Variants in EYS observed in about 807,000 individuals in gnomAD.
EYS encodes the protein protein eyes shut homolog.
Under a neutral mutation model 282.1 loss-of-function variants are expected in EYS, and 250 were observed. The ratio of observed to expected loss-of-function variants is 0.89; its 90% confidence interval spans 0.80 to 0.98. EYS has a LOEUF of 0.98. Among genes scored for constraint, EYS ranks in the 50% least tolerant of loss-of-function variants. The pLI, the probability that EYS is intolerant of heterozygous loss-of-function variation, is 0.00. For synonymous variants in EYS, 1,355 were observed against 1,282.9 expected (o/e 1.06, Z -1.20); for missense variants, 4,016 against 3,709.0 (o/e 1.08, Z -2.15).
At position 64,286,616 on chromosome 6, in the gene EYS, T is replaced by G. The variant is rs185670094; in HGVS notation, c.6191+20354A>C. 7.2e-5 allele frequency among the ~76,000 whole-genome samples: 11 copies of G among 152,294 alleles called. No homozygotes were observed. The East Asian group carries it at 1.9e-3, about 27-fold the overall frequency. ...GTATTATGTATGAATAGGAGTCATT[T>G]GAATTGGAAAATAGAAACTTAAATC... On this transcript the variant is annotated intron_variant, in intron 30 of 42. Coordinates refer to ENST00000503581, the MANE Select transcript of EYS (RefSeq NM_001142800.2).
intron 12 of EYS, among the ~76,000 whole-genome samples, chr6:65,179,734 C>A (rs373353734): frequency 1.1e-4 from 17 of 152,134 alleles, no homozygotes; most frequent in African/African-American, 4.1e-4. Context: ...GATACCAAAG[C>A]CTGGCAGAGA....
intron 36 of EYS, among the ~76,000 whole-genome samples, chr6:63,834,095 G>A (rs1045766068): frequency 2.0e-5 from 3 of 151,986 alleles, no homozygotes; most frequent in African/African-American, 4.8e-5. Context: ...TAGACCTAAA[G>A]CCATAAAAAC....
chr6:64,333,352 C>T (rs1770712146), intron 29 of EYS, among the ~76,000 whole-genome samples: 1 of 152,020 alleles, frequency 6.6e-6, no homozygotes, highest in Admixed American at 6.6e-5. Context: ...CTGCACATCC[C>T]AGTAAACTAA....
intron 5 of EYS, among the ~76,000 whole-genome samples, chr6:65,485,367 C>T (rs1765749781): frequency 6.6e-6 from 1 of 152,192 alleles, no homozygotes; most frequent in South Asian, 2.1e-4. Context: ...CTCTGTGAAG[C>T]ACGTCTTTTC....
intron 12 of EYS, among the ~76,000 whole-genome samples, chr6:65,121,348 A>G (rs1408142317): frequency 6.6e-6 from 1 of 152,172 alleles, no homozygotes; most frequent in Non-Finnish European, 1.5e-5. Flanking sequence ...AATGGGGAAC[A>G]TTTGAGTCTC....
At chr6:64,097,388 C>T (rs559756899) in intron 31 of EYS, among the ~76,000 whole-genome samples, 13 of 152,304 alleles carry the variant, frequency 8.5e-5, no homozygotes, top group South Asian at 8.3e-4. Context: ...CCTTGAGCTG[C>T]GGTGGCCTCC....
At chr6:63,947,316 C>G (rs1035862276) in intron 35 of EYS, among the ~76,000 whole-genome samples, 1 of 151,818 alleles carries the variant, frequency 6.6e-6, no homozygotes, top group Non-Finnish European at 1.5e-5. Flanking sequence ...AGATAATAAG[C>G]AGTTTTTATC....
At chr6:65,671,367 T>G (rs750099412) in intron 1 of EYS, among the ~76,000 whole-genome samples, 1 of 152,122 alleles carries the variant, frequency 6.6e-6, no homozygotes, top group East Asian at 1.9e-4. Flanking sequence ...AATCTTATTT[T>G]GTAAGGTTCT....
At chr6:64,631,586 C>T (rs1029485715) in intron 22 of EYS, 1 of 152,046 alleles carries the variant, frequency 6.6e-6, no homozygotes, top group Non-Finnish European at 1.5e-5. Context: ...TGTTTCTGTT[C>T]GTTAACGATA....
chr6:64,890,628 A>G (rs1583265437), intron 18 of EYS, among the ~76,000 whole-genome samples: 1 of 152,148 alleles, frequency 6.6e-6, no homozygotes, highest in Admixed American at 6.6e-5. Flanking sequence ...TTTAAGATGA[A>G]CTTCTCAAAA....
chr6:65,319,228 CAATT>C (rs1191320052), intron 11 of EYS, among the ~76,000 whole-genome samples: 3 of 58,724 alleles, frequency 5.1e-5, no homozygotes, highest in African/African-American at 2.4e-4. Flanking sequence ...AAAAAAAAAA[CAATT>C]AGCCGGGCAT....
Position 64,702,999 on chromosome 6 carries a change from A to T in EYS, c.3444-76754T>A, listed in dbSNP as rs549535543. Among the ~76,000 whole-genome samples the T allele has an allele frequency of 5.7e-4, 87 of 152,248 alleles. No homozygotes were observed. In the Middle Eastern group the frequency reaches 0.017, roughly 30 times the overall value. On this transcript the variant is annotated intron_variant, in intron 22 of 42. Coordinates refer to ENST00000503581, the MANE Select transcript of EYS (RefSeq NM_001142800.2). ...TTAATGTGACAGACATTGTTAAATA[A>T]CAATGTGATTAAACAATTTTTTTCA...
chr6:64,021,402 C>T (rs1415513196), intron 33 of EYS, among the ~76,000 whole-genome samples: 1 of 151,652 alleles, frequency 6.6e-6, no homozygotes, highest in African/African-American at 2.4e-5. Flanking sequence ...GAGGATGCTA[C>T]TGACATCTAG....
intron 33 of EYS, among the ~76,000 whole-genome samples, chr6:64,019,237 A>AT (rs1769057363): frequency 2.6e-5 from 4 of 152,112 alleles, no homozygotes; most frequent in South Asian, 2.1e-4. Flanking sequence ...GCAGTAATGG[A>AT]TTTTCCCTCA....
intron 22 of EYS, among the ~76,000 whole-genome samples, chr6:64,652,834 C>T (rs1014194289): frequency 6.6e-6 from 1 of 152,116 alleles, no homozygotes; most frequent in Non-Finnish European, 1.5e-5. Flanking sequence ...TTTGCAAAGC[C>T]TATTTACAAA....
At chr6:64,623,954 T>C (rs558761759) in intron 23 of EYS, among the ~76,000 whole-genome samples, 1 of 152,218 alleles carries the variant, frequency 6.6e-6, no homozygotes, top group East Asian at 1.9e-4. Context: ...GGAGGATGGA[T>C]TGGCATGATT....
chr6:63,836,890 A>G (rs1274121409), intron 36 of EYS, among the ~76,000 whole-genome samples: 2 of 152,116 alleles, frequency 1.3e-5, no homozygotes, highest in African/African-American at 4.8e-5. Context: ...TCTGAAGAAC[A>G]TAAAGATAAC....
At chr6:65,234,237 G>A (rs921750173) in intron 12 of EYS, among the ~76,000 whole-genome samples, 6 of 152,204 alleles carry the variant, frequency 3.9e-5, no homozygotes, top group African/African-American at 9.6e-5. Context: ...CAGCATCAGA[G>A]CTGGGTGGAG....
intron 22 of EYS, among the ~76,000 whole-genome samples, chr6:64,722,516 G>GA (rs544037652): frequency 0.041 from 5,318 of 130,070 alleles, 264 homozygotes; most frequent in African/African-American, 0.12. Context: ...TAAATTATTT[G>GA]AAAAAAAAAA....
Sources: allele counts gnomAD v4.1 joint callset (sites outside exome capture counted in the v4.1 genomes callset), GRCh38; gene constraint gnomAD v4.1.1; transcripts MANE v1.5; gene names NCBI Gene and HGNC (gene_info 2026-07-23, HGNC 2026-07-21).